The following CDH7 variants were observed in gnomAD, a reference collection of about 807,000 sequenced individuals.
The protein encoded by CDH7 is cadherin 7, also known as cadherin-7.
In CDH7, 25 loss-of-function variants were observed where a neutral mutation model predicts 71.8. That is an observed-to-expected ratio of 0.35 (90% confidence interval 0.25 to 0.49). CDH7 has a LOEUF of 0.49. CDH7 is among the 20% of genes least tolerant of loss of function. CDH7 has a pLI of 0.99. For missense variants in CDH7, 862 were observed against 974.6 expected (o/e 0.88, Z 1.54); for synonymous variants, 381 against 363.8 (o/e 1.05, Z -0.54).
chr18:65,875,618 G>A (rs1914051511), intron 11 of CDH7, among the ~76,000 whole-genome samples: 1 of 152,152 alleles, frequency 6.6e-6, no homozygotes, highest in Non-Finnish European at 1.5e-5. Flanking sequence ...CGGGCGTGGT[G>A]GCTCACACCT....
intron 2 of CDH7, among the ~76,000 whole-genome samples, chr18:65,782,114 CT>C (rs1568182541): frequency 0.018 from 835 of 46,980 alleles, 18 homozygotes; most frequent in Non-Finnish European, 0.02. Context: ...TTCCTTCTTT[CT>C]TTCTTTCTTT....
chr18:65,816,180 AAGTTT>A (rs1374098908), intron 4 of CDH7, among the ~76,000 whole-genome samples: 7 of 152,106 alleles, frequency 4.6e-5, no homozygotes, highest in Admixed American at 2.0e-4. Flanking sequence ...GAGAAGAGGA[AAGTTT>A]AGTTTAGTTT....
At chr18:65,838,019 C>T (rs1025000217) in intron 6 of CDH7, among the ~76,000 whole-genome samples, 4 of 149,462 alleles carry the variant, frequency 2.7e-5, no homozygotes, top group Non-Finnish European at 3.0e-5. Context: ...CTGCCTGCTG[C>T]GTTCAAGCAA....
intron 2 of CDH7, among the ~76,000 whole-genome samples, chr18:65,806,922 C>G (rs1568195628): frequency 6.6e-6 from 1 of 152,110 alleles, no homozygotes; most frequent in East Asian, 1.9e-4. Context: ...CAAAGTTGGT[C>G]AATTTTAACC....
chr18:65,839,382 A>G (rs1191954121), intron 6 of CDH7, among the ~76,000 whole-genome samples: 1 of 152,094 alleles, frequency 6.6e-6, no homozygotes, highest in African/African-American at 2.4e-5. Flanking sequence ...AGAAGGGGTG[A>G]GGGAGCTCTC....
In CDH7 at chr18:65,822,757, C is replaced by T. The variant is rs551898435; in HGVS notation, c.793+509C>T. ...GAACATTCCTTTAGCAGTTCCCCCACGTCTTTCTTGTGCAAACATTCAGTG... is the reference window on the plus strand; with the variant it reads ...GAACATTCCTTTAGCAGTTCCCCCATGTCTTTCTTGTGCAAACATTCAGTG... On this transcript the variant is annotated intron_variant, in intron 5 of 11. Coordinates refer to ENST00000397968, the MANE Select transcript of CDH7 (RefSeq NM_004361.5). 3.1e-4 allele frequency among the ~76,000 whole-genome samples: 47 copies of T among 152,020 alleles called. 1 individual carries two copies. The South Asian group carries it at 3.7e-3, about 12-fold the overall frequency.
At position 65,781,784 on chromosome 18, in the gene CDH7, T is replaced by TTTCTTTCTTTCTTTCTA. The variant is rs1568181328; in HGVS notation, c.210+18733_210+18734insTCTTTCTTTCTTTCTAT. ...TTTCTTTCTTTCCTTCCTTCCTTCC[T>TTTCTTTCTTTCTTTCTA]TCCTTCCTTCCTTCCTTCCTTCCTT... On this transcript the variant is annotated intron_variant, in intron 2 of 11. Transcript: ENST00000397968. 7.8e-5 allele frequency among the ~76,000 whole-genome samples: 5 copies of TTTCTTTCTTTCTTTCTA among 64,080 alleles called. 1 individual carries two copies. The highest frequency in any genetic ancestry group is 1.5e-3 in the South Asian group (2 of 1,378). 42.0% of individuals were successfully genotyped at this position (64,080 alleles called of 152,430 possible).
At chr18:65,807,515 T>C (rs1056196064) in intron 2 of CDH7, among the ~76,000 whole-genome samples, 1 of 152,156 alleles carries the variant, frequency 6.6e-6, no homozygotes, top group Non-Finnish European at 1.5e-5. Flanking sequence ...TTGATATTTC[T>C]TGTGGTCTTC....
rs1913427560 is a variant in CDH7, at chr18:65,858,016, G to A, written c.1372+64G>A. Reference sequence around the variant, plus strand: ...CAGTGAGTGGAGAATCGATTGTCATGAGGTTGTAAATTCAAGTTAATTAAA... The same window carrying A: ...CAGTGAGTGGAGAATCGATTGTCATAAGGTTGTAAATTCAAGTTAATTAAA... On this transcript the variant is annotated intron_variant, in intron 8 of 11. Transcript: ENST00000397968. 2.0e-6 allele frequency: 3 copies of A among 1,505,718 alleles called. No individual in the cohort carries two copies. In the Admixed American group the frequency reaches 5.5e-5, roughly 28 times the overall value. The allele number at this position is 1,505,718 out of a possible 1,614,324, so 93.3% of individuals were successfully genotyped here.
intron 6 of CDH7, among the ~76,000 whole-genome samples, chr18:65,837,505 C>T (rs138552632): frequency 6.6e-6 from 1 of 152,302 alleles, no homozygotes; most frequent in East Asian, 1.9e-4. Context: ...TTGGTTCTGT[C>T]TTCCTTGATG....
chr18:65,769,993 A>T (rs187372182), intron 2 of CDH7, among the ~76,000 whole-genome samples: 78 of 152,250 alleles, frequency 5.1e-4, no homozygotes, highest in East Asian at 9.6e-4. Context: ...ATATAAAATA[A>T]CCTAAACTCT....
At chr18:65,863,568 A>G (rs1913655372) in intron 11 of CDH7, 1 of 152,120 alleles carries the variant, frequency 6.6e-6, no homozygotes, top group Non-Finnish European at 1.5e-5. Context: ...TGGAGAATAC[A>G]TTTTCTATAT....
chr18:65,858,504 C>G (rs1260221604), intron 8 of CDH7, among the ~76,000 whole-genome samples: 1 of 151,832 alleles, frequency 6.6e-6, no homozygotes, highest in Non-Finnish European at 1.5e-5. Flanking sequence ...GCTCTAACAT[C>G]AAAGAACATT....
At chr18:65,782,173 T>TAA (rs1568182770) in intron 2 of CDH7, among the ~76,000 whole-genome samples, 1,895 of 61,922 alleles carry the variant, frequency 0.031, 253 homozygotes, top group African/African-American at 0.087. Context: ...TTCCTTTCTT[T>TAA]CTTTCTTTCT....
intron 1 of CDH7, among the ~76,000 whole-genome samples, chr18:65,758,936 A>G (rs1433497292): frequency 6.6e-6 from 1 of 152,042 alleles, no homozygotes; most frequent in Admixed American, 6.5e-5. Context: ...GTTTATGTTT[A>G]TACTAGCTGC....
In CDH7 at chr18:65,886,826, T is replaced by C. The variant is rs796342168; in HGVS notation, c.*5932T>C. On this transcript the variant is annotated 3_prime_UTR_variant, in exon 12 of 12. Coordinates refer to ENST00000397968, the MANE Select transcript of CDH7 (RefSeq NM_004361.5). Reference sequence around the variant, plus strand: ...ACTCTTGATGACTCAAACTCACTTATATCTTACAACAGCTCATCTTAATCT... The same window carrying C: ...ACTCTTGATGACTCAAACTCACTTACATCTTACAACAGCTCATCTTAATCT... 2 of 152,320 alleles carry C rather than the reference T, an allele frequency of 1.3e-5. No homozygotes were observed. The highest frequency in any genetic ancestry group is 4.8e-5 in the African/African-American group (2 of 41,586). The allele number at this position is 152,320 out of a possible 1,614,324, so 9.4% of individuals were successfully genotyped here.
intron 2 of CDH7, among the ~76,000 whole-genome samples, chr18:65,808,041 G>A (rs968305788): frequency 6.6e-6 from 1 of 152,102 alleles, no homozygotes; most frequent in African/African-American, 2.4e-5. Flanking sequence ...CCAGAGAGTT[G>A]GCCAGGCCAC....
chr18:65,835,932 A>T (rs1912517605), intron 6 of CDH7, among the ~76,000 whole-genome samples: 2 of 152,210 alleles, frequency 1.3e-5, no homozygotes, highest in African/African-American at 4.8e-5. Flanking sequence ...CCTGGATCAC[A>T]TAATTGGGTG....
At chr18:65,781,930 CTCTCTCTCTCTCTCTT>C (rs1910261424) in intron 2 of CDH7, among the ~76,000 whole-genome samples, 1 of 57,362 alleles carries the variant, frequency 1.7e-5, no homozygotes, top group Non-Finnish European at 3.1e-5. Flanking sequence ...CTTTCTCTCT[CTCTCTCTCTCTCTCTT>C]TCTCTCTTTC....
Sources: gnomAD v4.1 joint callset for allele counts (sites outside exome capture counted in the v4.1 genomes callset) on GRCh38, gnomAD v4.1.1 for gene constraint, MANE v1.5 for transcripts, NCBI Gene and HGNC (gene_info 2026-07-23, HGNC 2026-07-21) for gene names.